Variants in NELL1 observed in about 807,000 individuals in gnomAD.
NELL1 encodes neural EGFL like 1, also known as protein kinase C-binding protein NELL1.
A neutral mutation model predicts 107.4 loss-of-function variants in NELL1; 76 were observed. The observed-to-expected ratio is 0.71, with a 90% CI of 0.59 to 0.86. The LOEUF (loss-of-function observed/expected upper bound fraction) is 0.86, where lower values mean the gene tolerates loss of function less well. NELL1 is among the 40% of genes least tolerant of loss of function. NELL1 has a pLI of 0.00. For missense variants in NELL1, 1,024 were observed against 1,005.5 expected, an observed-to-expected ratio of 1.02 and a Z score of -0.25; for synonymous variants, 353 against 341.2, an observed-to-expected ratio of 1.03 and a Z score of -0.38.
chr11:21,236,589 T>C (rs1320925981), intron 14 of NELL1, among the ~76,000 whole-genome samples: 1 of 152,178 alleles, frequency 6.6e-6, no homozygotes, highest in Non-Finnish European at 1.5e-5. Flanking sequence ...CTATAGATGC[T>C]GAAAGTCCTA....
At chr11:21,153,587 G>T (rs1203027898) in intron 13 of NELL1, among the ~76,000 whole-genome samples, 1 of 151,848 alleles carries the variant, frequency 6.6e-6, no homozygotes, top group African/African-American at 2.4e-5. Flanking sequence ...GGAAAGGAAG[G>T]GCACTTATAG....
intron 13 of NELL1, among the ~76,000 whole-genome samples, chr11:21,135,386 G>C (rs1444237179): frequency 6.6e-6 from 1 of 152,214 alleles, no homozygotes. Flanking sequence ...GTCTGGTGCA[G>C]TACAGATACC....
chr11:21,309,282 A>ATATATATATATATATG lies in NELL1; in HGVS notation c.1550-61556_1550-61555insGTATATATATATATAT, dbSNP rs1195512818. Among the ~76,000 whole-genome samples the ATATATATATATATATG allele has an allele frequency of 4.6e-3, 47 of 10,312 alleles. 1 individual carries two copies. Among genetic ancestry groups the ATATATATATATATATG allele is most frequent in the East Asian group, 0.01 (7 of 676 alleles). 6.8% of individuals were successfully genotyped at this position (10,312 alleles called of 152,430 possible). ...TATGTATATATATATATATATATGT[A>ATATATATATATATATG]TATATATATATATATATGTATATAT... On this transcript the variant is annotated intron_variant, in intron 14 of 19. Transcript: ENST00000357134.
At position 21,575,340 on chromosome 11, in the gene NELL1, T is replaced by A. The variant is rs543375324; in HGVS notation, c.*318T>A. ...TACATTTAAATGATCTCATGGTAAA[T>A]GTTGATGTATTTTTTGGTTTATTTT... On this transcript the variant is annotated 3_prime_UTR_variant, in exon 20 of 20. Transcript: ENST00000357134. 4.1e-6 allele frequency: 1 copy of A among 245,456 alleles called. No individual in the cohort carries two copies. The highest frequency in any genetic ancestry group is 8.2e-5 in the East Asian group (1 of 12,242). 15.2% of individuals were successfully genotyped at this position (245,456 alleles called of 1,614,324 possible). A position where few individuals can be genotyped will look rare whatever the true frequency, so the allele number is the denominator to read the frequency against.
At chr11:21,230,263 C>T (rs1031897382) in intron 14 of NELL1, among the ~76,000 whole-genome samples, 1 of 152,138 alleles carries the variant, frequency 6.6e-6, no homozygotes, top group Non-Finnish European at 1.5e-5. Context: ...ATCTGCCTCC[C>T]CACTAGGATG....
Position 21,186,302 on chromosome 11 carries a change from G to A in NELL1, c.1427-43030G>A, listed in dbSNP as rs554573966. 3.3e-5 allele frequency among the ~76,000 whole-genome samples: 5 copies of A among 151,926 alleles called. No homozygotes were observed. The East Asian group carries it at 9.7e-4, about 29-fold the overall frequency. Reference sequence around the variant, plus strand: ...GAAGCATATGCAGTTCCCTGTAAGGGACCTTGACACCTGTTAGAAGAGGAA... The same window carrying A: ...GAAGCATATGCAGTTCCCTGTAAGGAACCTTGACACCTGTTAGAAGAGGAA... On this transcript the variant is annotated intron_variant, in intron 13 of 19. Coordinates refer to ENST00000357134, the MANE Select transcript of NELL1 (RefSeq NM_006157.5).
intron 14 of NELL1, among the ~76,000 whole-genome samples, chr11:21,314,501 T>C (rs1849829193): frequency 6.6e-6 from 1 of 152,138 alleles, no homozygotes; most frequent in Admixed American, 6.6e-5. Flanking sequence ...TGAGACACAG[T>C]AAAGGCTTAA....
intron 2 of NELL1, among the ~76,000 whole-genome samples, chr11:20,712,847 C>T (rs1477102560): frequency 1.3e-5 from 2 of 152,196 alleles, no homozygotes; most frequent in Non-Finnish European, 2.9e-5. Context: ...GGTCTCCCAG[C>T]TGTGGATACC....
chr11:20,750,391 G>A (rs1240929394), intron 2 of NELL1, among the ~76,000 whole-genome samples: 1 of 151,740 alleles, frequency 6.6e-6, no homozygotes, highest in African/African-American at 2.4e-5. Context: ...ATTCTTGCTG[G>A]TATTTCTCAT....
chr11:21,061,422 G>A (rs1853738928), intron 12 of NELL1, among the ~76,000 whole-genome samples: 1 of 152,146 alleles, frequency 6.6e-6, no homozygotes, highest in Non-Finnish European at 1.5e-5. Flanking sequence ...GGGTACACAG[G>A]AGTTGACCAG....
chr11:21,227,257 A>T (rs11025969), intron 13 of NELL1, among the ~76,000 whole-genome samples: 2 of 151,984 alleles, frequency 1.3e-5, no homozygotes, highest in African/African-American at 2.4e-5. Context: ...TAGCATGACC[A>T]CACATGCTAG....
intron 2 of NELL1, among the ~76,000 whole-genome samples, chr11:20,765,505 G>A (rs1309195119): frequency 6.6e-6 from 1 of 152,182 alleles, no homozygotes; most frequent in Non-Finnish European, 1.5e-5. Flanking sequence ...CAGGAGGCCT[G>A]CTTTAGCTGG....
chr11:20,971,839 G>A (rs555105920), intron 12 of NELL1, among the ~76,000 whole-genome samples: 17 of 152,132 alleles, frequency 1.1e-4, no homozygotes, highest in Non-Finnish European at 1.9e-4. Context: ...GGAATACTAT[G>A]CAGCCACATA....
chr11:20,744,243 A>C (rs1789914106), intron 2 of NELL1, among the ~76,000 whole-genome samples: 1 of 152,160 alleles, frequency 6.6e-6, no homozygotes, highest in African/African-American at 2.4e-5. Context: ...CCAGTGACTT[A>C]CCACTATGAT....
At chr11:20,984,280 T>C (rs1186603067) in intron 12 of NELL1, among the ~76,000 whole-genome samples, 1 of 152,216 alleles carries the variant, frequency 6.6e-6, no homozygotes, top group Non-Finnish European at 1.5e-5. Flanking sequence ...GTAATAAATA[T>C]TTGAATCTCA....
chr11:21,216,088 A>G (rs1222268992), intron 13 of NELL1, among the ~76,000 whole-genome samples: 3 of 152,072 alleles, frequency 2.0e-5, no homozygotes, highest in South Asian at 2.1e-4. Context: ...TGATGCTCCA[A>G]CTATGGCTAA....
intron 13 of NELL1, among the ~76,000 whole-genome samples, chr11:21,153,600 C>G (rs1232508926): frequency 6.6e-6 from 1 of 152,070 alleles, no homozygotes; most frequent in Non-Finnish European, 1.5e-5. Flanking sequence ...ACTTATAGTT[C>G]CCAGTACTCT....
intron 3 of NELL1, among the ~76,000 whole-genome samples, chr11:20,816,122 G>C (rs889108757): frequency 6.6e-6 from 1 of 152,104 alleles, no homozygotes; most frequent in East Asian, 1.9e-4. Flanking sequence ...GCTTAGTATT[G>C]TTTTGGCTAT....
At chr11:21,006,609 C>T (rs776117350) in intron 12 of NELL1, among the ~76,000 whole-genome samples, 2 of 152,074 alleles carry the variant, frequency 1.3e-5, no homozygotes, top group Non-Finnish European at 2.9e-5. Flanking sequence ...TCTCGAATCC[C>T]TTTTTGTTTT....
Sources: allele counts gnomAD v4.1 joint callset (sites outside exome capture counted in the v4.1 genomes callset), GRCh38; gene constraint gnomAD v4.1.1; transcripts MANE v1.5; gene names NCBI Gene and HGNC (gene_info 2026-07-23, HGNC 2026-07-21).